The following RBFOX1 variants were observed in gnomAD, a reference collection of about 807,000 sequenced individuals.
RBFOX1 encodes RNA binding protein fox-1 homolog 1.
In RBFOX1, 8 loss-of-function variants were observed where a neutral mutation model predicts 57.7. That is an observed-to-expected ratio of 0.14 (90% CI 0.08 to 0.25). RBFOX1 has a LOEUF of 0.25. Among genes scored for constraint, RBFOX1 ranks in the 10% least tolerant of loss-of-function variants. The pLI, the probability that RBFOX1 is intolerant of heterozygous loss-of-function variation, is 1.00. For synonymous variants in RBFOX1, 326 were observed against 222.4 expected, an observed-to-expected ratio of 1.47 and a Z score of -4.15; for missense variants, 611 against 548.5, an observed-to-expected ratio of 1.11 and a Z score of -1.14.
chr16:6,038,116 T>C (rs2095390632), intron 1 of RBFOX1: 1 of 151,974 alleles, frequency 6.6e-6, no homozygotes, highest in Admixed American at 6.6e-5. Context: ...TCTAAACTTT[T>C]TCATATATAC....
chr16:7,681,968 A>G (rs1442640826), intron 14 of RBFOX1, among the ~76,000 whole-genome samples: 1 of 152,128 alleles, frequency 6.6e-6, no homozygotes, highest in African/African-American at 2.4e-5. Flanking sequence ...TATTGAAAGC[A>G]GTATCTCCCA....
chr16:5,810,893 G>C (rs2055400120), intron 3 of RBFOX1, among the ~76,000 whole-genome samples: 1 of 152,126 alleles, frequency 6.6e-6, no homozygotes, highest in African/African-American at 2.4e-5. Flanking sequence ...TGGTATTCTG[G>C]AAACTTCACA....
At chr16:5,457,423 C>T (rs2068663441) in intron 1 of RBFOX1, among the ~76,000 whole-genome samples, 1 of 152,210 alleles carries the variant, frequency 6.6e-6, no homozygotes, top group African/African-American at 2.4e-5. Flanking sequence ...GTGTGAGCCC[C>T]TGCACCCAGC....
chr16:5,526,843 T>C (rs907592960), intron 2 of RBFOX1, among the ~76,000 whole-genome samples: 4 of 151,186 alleles, frequency 2.6e-5, no homozygotes, highest in Admixed American at 1.3e-4. Flanking sequence ...GAGTTTGAGT[T>C]TTGAAGTAAG....
chr16:6,940,610 T>C lies in RBFOX1; in HGVS notation c.-15-111447T>C, dbSNP rs369418447. Among the ~76,000 whole-genome samples, 6 of 152,248 alleles carry C rather than the reference T, an allele frequency of 3.9e-5. No individual in the cohort carries two copies. In the East Asian group the frequency reaches 1.2e-3, roughly 29 times the overall value. On this transcript the variant is annotated intron_variant, in intron 3 of 15. Coordinates refer to ENST00000550418, the MANE Select transcript of RBFOX1 (RefSeq NM_018723.4). ...GGGTCTTATTTGTACACTTCTTTTC[T>C]TTTTTGAGGCGGAGTCTTACTCTGT... is the stretch of plus-strand genomic sequence containing the variant.
At chr16:5,479,298 C>T (rs548122440) in intron 2 of RBFOX1, among the ~76,000 whole-genome samples, 1 of 152,210 alleles carries the variant, frequency 6.6e-6, no homozygotes, top group Admixed American at 6.5e-5. Flanking sequence ...TTGCTCATCT[C>T]TGTCCCTAGA....
At chr16:7,423,321 C>T (rs2098562681) in intron 4 of RBFOX1, among the ~76,000 whole-genome samples, 2 of 152,004 alleles carry the variant, frequency 1.3e-5, no homozygotes, top group South Asian at 2.1e-4. Flanking sequence ...CAGTTCTAAA[C>T]ACAAAGAGTG....
At chr16:7,666,146 G>T (rs1404207509) in intron 13 of RBFOX1, among the ~76,000 whole-genome samples, 2 of 152,040 alleles carry the variant, frequency 1.3e-5, no homozygotes, top group Non-Finnish European at 2.9e-5. Flanking sequence ...TATGAGGCAG[G>T]CTGGGGCTGA....
At chr16:7,142,927 G>C (rs1365163396) in intron 4 of RBFOX1, among the ~76,000 whole-genome samples, 1 of 128,002 alleles carries the variant, frequency 7.8e-6, no homozygotes, top group Admixed American at 7.9e-5. Flanking sequence ...TTTTTTTTCT[G>C]TGAGAATCCA....
At chr16:7,513,579 C>G (rs1184247322) in intron 4 of RBFOX1, among the ~76,000 whole-genome samples, 4 of 152,144 alleles carry the variant, frequency 2.6e-5, no homozygotes, top group African/African-American at 9.7e-5. Flanking sequence ...AGCAGCATTC[C>G]TGGCCTCCAC....
chr16:6,641,734 C>CAAAAAAA (rs869202831), intron 2 of RBFOX1, among the ~76,000 whole-genome samples: 34 of 68,898 alleles, frequency 4.9e-4, no homozygotes, highest in South Asian at 1.1e-3. Context: ...GACTCCGTCT[C>CAAAAAAA]AAAAAAAAAA....
chr16:6,966,044 A>G (rs2084072284), intron 3 of RBFOX1, among the ~76,000 whole-genome samples: 1 of 152,200 alleles, frequency 6.6e-6, no homozygotes, highest in African/African-American at 2.4e-5. Context: ...TTCTTATCTT[A>G]GAAATAAGAA....
At chr16:6,212,755 T>C (rs1051273269) in intron 1 of RBFOX1, among the ~76,000 whole-genome samples, 1 of 151,812 alleles carries the variant, frequency 6.6e-6, no homozygotes, top group Non-Finnish European at 1.5e-5. Context: ...AATATGATAA[T>C]GGAGTAATCT....
At chr16:6,351,370 A>T (rs185941177) in intron 2 of RBFOX1, among the ~76,000 whole-genome samples, 13,875 of 100,068 alleles carry the variant, frequency 0.14, 1,038 homozygotes, top group African/African-American at 0.24. Flanking sequence ...ATATATATAT[A>T]TATTTTTTTT....
chr16:7,358,966 A>T (rs1185475082), intron 4 of RBFOX1, among the ~76,000 whole-genome samples: 2 of 152,196 alleles, frequency 1.3e-5, no homozygotes, highest in African/African-American at 4.8e-5. Context: ...CTTTTAATAG[A>T]CAATTAGATT....
intron 4 of RBFOX1, among the ~76,000 whole-genome samples, chr16:7,149,055 G>A (rs748233797): frequency 1.3e-5 from 2 of 152,154 alleles, no homozygotes; most frequent in African/African-American, 4.8e-5. Flanking sequence ...TTCTGCCCTT[G>A]TTCTTTTTTT....
intron 2 of RBFOX1, among the ~76,000 whole-genome samples, chr16:6,559,972 A>C (rs1487226209): frequency 6.6e-6 from 1 of 152,156 alleles, no homozygotes; most frequent in African/African-American, 2.4e-5. Flanking sequence ...ACATGAACAG[A>C]CTTTTGTCAC....
intron 4 of RBFOX1, among the ~76,000 whole-genome samples, chr16:6,012,000 G>A (rs1239666081): frequency 6.6e-6 from 1 of 152,198 alleles, no homozygotes; most frequent in African/African-American, 2.4e-5. Flanking sequence ...CTGTTGTATG[G>A]CTGTTCTGAG....
intron 3 of RBFOX1, among the ~76,000 whole-genome samples, chr16:6,958,539 T>G (rs2082321806): frequency 6.6e-6 from 1 of 152,186 alleles, no homozygotes; most frequent in South Asian, 2.1e-4. Context: ...AACACATGGA[T>G]TGTTTTAAAA....
Sources: allele counts gnomAD v4.1 joint callset (sites outside exome capture counted in the v4.1 genomes callset), GRCh38; gene constraint gnomAD v4.1.1; transcripts MANE v1.5; gene names NCBI Gene and HGNC (gene_info 2026-07-23, HGNC 2026-07-21).